IMMP2L: variants seen among roughly 807,000 people sequenced by gnomAD.
IMMP2L encodes mitochondrial inner membrane protease subunit 2.
In IMMP2L, 18 loss-of-function variants were observed where a neutral mutation model predicts 19.3. That is an observed-to-expected ratio of 0.93 (90% confidence interval 0.64 to 1.38). IMMP2L has a LOEUF of 1.38. Ranked by LOEUF, IMMP2L falls within the 40% of genes most tolerant of loss-of-function variation. IMMP2L has a pLI of 0.00. For synonymous variants in IMMP2L, 76 were observed against 73.0 expected (o/e 1.04, Z -0.21); for missense variants, 233 against 218.2 (o/e 1.07, Z -0.43).
rs143175829 is a variant in IMMP2L at position 111,013,048 on chromosome 7, C to T, written c.240-49483G>A. ...AGCAGTGAGCTAGATTGGTATGATTCCTAAATTCATGAACCCCACAATCCA... is the reference window on the plus strand; with the variant it reads ...AGCAGTGAGCTAGATTGGTATGATTTCTAAATTCATGAACCCCACAATCCA... On this transcript the variant is annotated intron_variant, in intron 3 of 5. Coordinates refer to ENST00000405709, the MANE Select transcript of IMMP2L (RefSeq NM_032549.4). Among the ~76,000 whole-genome samples, 266 of 152,052 alleles carry T rather than the reference C, an allele frequency of 1.7e-3. 1 individual carries two copies. The highest frequency in any genetic ancestry group is 5.3e-3 in the African/African-American group (218 of 41,472).
chr7:111,117,795 G>A (rs904646019), intron 3 of IMMP2L, among the ~76,000 whole-genome samples: 12 of 151,944 alleles, frequency 7.9e-5, no homozygotes, highest in African/African-American at 2.9e-4. Context: ...AGGAAAAACT[G>A]GGTTTTAATG....
At chr7:111,465,298 G>C (rs1840530011) in intron 3 of IMMP2L, among the ~76,000 whole-genome samples, 2 of 151,538 alleles carry the variant, frequency 1.3e-5, no homozygotes, top group South Asian at 4.2e-4. Context: ...CCCCTACCTG[G>C]GCTATTTCAG....
intron 3 of IMMP2L, chr7:111,099,836 A>T (rs1439073806): frequency 6.6e-6 from 1 of 151,762 alleles, no homozygotes; most frequent in African/African-American, 2.4e-5. Context: ...ATTTAAAATT[A>T]AACTTTTGGG....
chr7:111,401,697 C>G (rs1376622424), intron 3 of IMMP2L, among the ~76,000 whole-genome samples: 1 of 152,008 alleles, frequency 6.6e-6, no homozygotes, highest in Admixed American at 6.6e-5. Context: ...AAATGTTAAG[C>G]AAGTCATGGT....
At chr7:111,070,713 G>A (rs1794881324) in intron 3 of IMMP2L, among the ~76,000 whole-genome samples, 1 of 152,130 alleles carries the variant, frequency 6.6e-6, no homozygotes, top group African/African-American at 2.4e-5. Context: ...GCCATATTTG[G>A]ACAATATGTA....
At chr7:110,682,787 G>C (rs1034388988) in intron 5 of IMMP2L, among the ~76,000 whole-genome samples, 1 of 152,066 alleles carries the variant, frequency 6.6e-6, no homozygotes, top group Admixed American at 6.6e-5. Context: ...AGAGATTCAG[G>C]AGTTACCCAG....
intron 3 of IMMP2L, among the ~76,000 whole-genome samples, chr7:111,436,887 G>C (rs1362332743): frequency 6.6e-6 from 1 of 151,714 alleles, no homozygotes; most frequent in Non-Finnish European, 1.5e-5. Flanking sequence ...TGCAGGTATG[G>C]CAAGAGAGCA....
At chr7:111,080,116 C>T (rs1795768439) in intron 3 of IMMP2L, among the ~76,000 whole-genome samples, 1 of 152,028 alleles carries the variant, frequency 6.6e-6, no homozygotes, top group African/African-American at 2.4e-5. Context: ...GTTCTATGAA[C>T]AAATTTAAGT....
intron 3 of IMMP2L, among the ~76,000 whole-genome samples, chr7:111,260,248 G>A (rs866408255): frequency 2.6e-5 from 4 of 152,190 alleles, no homozygotes; most frequent in East Asian, 1.9e-4. Context: ...CACCAGCATC[G>A]CCACAAACAC....
intron 5 of IMMP2L, among the ~76,000 whole-genome samples, chr7:110,748,182 A>C (rs766167633): frequency 6.6e-5 from 10 of 152,154 alleles, no homozygotes; most frequent in Admixed American, 3.9e-4. Flanking sequence ...TAGGAACCCA[A>C]CTTATAATGG....
At chr7:111,277,454 A>C (rs1406485963) in intron 3 of IMMP2L, among the ~76,000 whole-genome samples, 3 of 151,870 alleles carry the variant, frequency 2.0e-5, no homozygotes, top group Non-Finnish European at 2.9e-5. Context: ...AATTCTGGCT[A>C]TTCAGGTGGC....
At chr7:110,837,123 T>C (rs183042609) in intron 5 of IMMP2L, among the ~76,000 whole-genome samples, 1 of 152,160 alleles carries the variant, frequency 6.6e-6, no homozygotes, top group African/African-American at 2.4e-5. Context: ...AATAGAGAAA[T>C]GATTAAATAA....
intron 3 of IMMP2L, among the ~76,000 whole-genome samples, chr7:111,467,908 G>GT (rs1346219539): frequency 1.3e-5 from 2 of 152,120 alleles, no homozygotes; most frequent in African/African-American, 2.4e-5. Context: ...AGGGAAACCT[G>GT]TTGTCAGCTA....
intron 3 of IMMP2L, among the ~76,000 whole-genome samples, chr7:111,019,000 G>A (rs1826007852): frequency 6.6e-6 from 1 of 151,992 alleles, no homozygotes; most frequent in Admixed American, 6.6e-5. Context: ...CTAGCTAGGG[G>A]TGTAGATAAC....
chr7:110,805,090 T>C (rs1801533107), intron 5 of IMMP2L, among the ~76,000 whole-genome samples: 1 of 152,108 alleles, frequency 6.6e-6, no homozygotes, highest in Non-Finnish European at 1.5e-5. Context: ...TATTTCTTAA[T>C]CTTGAACAAA....
At chr7:110,861,884 T>C (rs1807466289) in intron 5 of IMMP2L, among the ~76,000 whole-genome samples, 1 of 152,048 alleles carries the variant, frequency 6.6e-6, no homozygotes, top group Admixed American at 6.6e-5. Flanking sequence ...TATTATAATA[T>C]CCAAATGCCT....
chr7:110,694,114 T>C (rs943992847), intron 5 of IMMP2L, among the ~76,000 whole-genome samples: 1 of 152,192 alleles, frequency 6.6e-6, no homozygotes, highest in Admixed American at 6.5e-5. Flanking sequence ...TCCTGTGAAA[T>C]AGACTTGTGA....
intron 3 of IMMP2L, among the ~76,000 whole-genome samples, chr7:111,467,135 T>C (rs989499532): frequency 4.6e-5 from 7 of 152,168 alleles, no homozygotes; most frequent in Non-Finnish European, 1.0e-4. Flanking sequence ...GCACAGCCCC[T>C]GAGGCGAGAA....
intron 5 of IMMP2L, among the ~76,000 whole-genome samples, chr7:110,670,056 T>G (rs1018369094): frequency 9.9e-5 from 15 of 152,150 alleles, no homozygotes; most frequent in African/African-American, 3.6e-4. Flanking sequence ...TACCTCAGAA[T>G]GTGACTGTAT....
Sources: allele counts gnomAD v4.1 joint callset (sites outside exome capture counted in the v4.1 genomes callset), GRCh38; gene constraint gnomAD v4.1.1; transcripts MANE v1.5; gene names NCBI Gene and HGNC (gene_info 2026-07-23, HGNC 2026-07-21).